Variants in THADA observed in about 807,000 individuals in gnomAD.
THADA encodes the protein THADA armadillo repeat containing.
In THADA, 213 loss-of-function variants were observed where a neutral mutation model predicts 219.8. The observed-to-expected ratio is 0.97, with a 90% CI of 0.87 to 1.09. The LOEUF is 1.09. Ranked by LOEUF, THADA falls within the 50% of genes least tolerant of loss-of-function variation. THADA has a pLI of 0.00. For missense variants in THADA, 2,956 were observed against 2,311.3 expected (o/e 1.28, Z -5.72); for synonymous variants, 1,018 against 828.9 (o/e 1.23, Z -3.92).
chr2:43,576,748 G>A (rs952612536), intron 10 of THADA, among the ~76,000 whole-genome samples: 3 of 152,092 alleles, frequency 2.0e-5, no homozygotes, highest in Non-Finnish European at 2.9e-5. Context: ...TCGGCCTCCT[G>A]GGCTCAAGCA....
chr2:43,551,060 G>T (rs1696686686), intron 19 of THADA, among the ~76,000 whole-genome samples: 1 of 152,124 alleles, frequency 6.6e-6, no homozygotes, highest in Non-Finnish European at 1.5e-5. Flanking sequence ...TCATTTTTAG[G>T]AAAGAACAAA....
chr2:43,572,988 T>A lies in THADA; in HGVS notation c.1734A>T (p.Gln578His). 1 of 1,613,222 alleles carries A rather than the reference T, an allele frequency of 6.2e-7. No individual in the cohort carries two copies. The highest frequency in any genetic ancestry group is 1.7e-5 in the Admixed American group (1 of 59,812). ...LQTSIDAKTG[Q>H]EQSFPSLGSC... Reference sequence around the variant, plus strand: ...ACCCTAAGGATGGGAAAGATTGCTCTTGTCCTGAAAGCACAATAACAAAGA... The same window carrying A: ...ACCCTAAGGATGGGAAAGATTGCTCATGTCCTGAAAGCACAATAACAAAGA... The change falls in exon 12 of 38, where the codon CAA (glutamine) becomes CAT (histidine). Residue 578 changes from glutamine to histidine, a missense_variant. By Grantham distance (24) the Gln-to-His change is conservative. Coordinates refer to ENST00000405975, the MANE Select transcript of THADA (RefSeq NM_022065.5).
chr2:43,523,357 T>G (rs934016037), intron 22 of THADA, among the ~76,000 whole-genome samples: 20 of 152,260 alleles, frequency 1.3e-4, no homozygotes, highest in Admixed American at 1.2e-3. Flanking sequence ...ACAGAGAGAT[T>G]CTGTCTCAAA....
intron 26 of THADA, among the ~76,000 whole-genome samples, chr2:43,460,734 G>A (rs1050600409): frequency 3.3e-5 from 5 of 152,158 alleles, no homozygotes; most frequent in African/African-American, 1.2e-4. Flanking sequence ...ACAAATGAAG[G>A]GTTGGCGTGG....
At position 43,376,227 on chromosome 2, in the gene THADA, A is replaced by G. The variant is rs776547907; in HGVS notation, c.4227+21744T>C. Among the ~76,000 whole-genome samples the G allele has an allele frequency of 2.4e-4, 36 of 152,158 alleles. 2 individuals carry two copies. The highest frequency in any genetic ancestry group is 2.2e-3 in the Admixed American group (33 of 15,284). ...ATTCAGACAGTCAAGACACAAGGAC[A>G]CTCTGCTGTATGCACTCCTGAAGTA... On this transcript the variant is annotated intron_variant, in intron 29 of 37. Transcript: ENST00000405975.
At chr2:43,336,971 G>A (rs569042117) in intron 30 of THADA, among the ~76,000 whole-genome samples, 1 of 152,222 alleles carries the variant, frequency 6.6e-6, no homozygotes, top group African/African-American at 2.4e-5. Context: ...TTTGAGCCTG[G>A]TGGTGCCAGA....
intron 22 of THADA, among the ~76,000 whole-genome samples, chr2:43,524,737 G>C (rs1692944141): frequency 6.6e-6 from 1 of 152,186 alleles, no homozygotes; most frequent in Admixed American, 6.5e-5. Context: ...GAAAGCAACA[G>C]CTGAGAACTC....
chr2:43,519,650 T>C (rs1468551581), intron 22 of THADA, among the ~76,000 whole-genome samples: 4 of 152,190 alleles, frequency 2.6e-5, no homozygotes, highest in Non-Finnish European at 5.9e-5. Context: ...GCCTACCATA[T>C]CATATTCTCA....
At chr2:43,363,917 T>C (rs1170904466) in intron 29 of THADA, among the ~76,000 whole-genome samples, 1 of 152,002 alleles carries the variant, frequency 6.6e-6, no homozygotes, top group Non-Finnish European at 1.5e-5. Flanking sequence ...CAAGATCTTC[T>C]CTCTATAAAA....
intron 28 of THADA, among the ~76,000 whole-genome samples, chr2:43,426,537 C>T (rs1479946314): frequency 6.6e-6 from 1 of 152,104 alleles, no homozygotes; most frequent in African/African-American, 2.4e-5. Context: ...AAATGAATCA[C>T]CAAATGCCAG....
intron 28 of THADA, among the ~76,000 whole-genome samples, chr2:43,420,751 CAG>C (rs1280263404): frequency 6.6e-6 from 1 of 152,162 alleles, no homozygotes; most frequent in Non-Finnish European, 1.5e-5. Context: ...TAGGAACTAA[CAG>C]ATAAAAATTG....
chr2:43,246,084 G>A (rs550114293), intron 36 of THADA, among the ~76,000 whole-genome samples: 11 of 150,848 alleles, frequency 7.3e-5, no homozygotes, highest in Non-Finnish European at 1.2e-4. Context: ...TCCTTACTAG[G>A]TGCCCACCTC....
chr2:43,324,758 C>T (rs1020067243), intron 30 of THADA, among the ~76,000 whole-genome samples: 4 of 152,006 alleles, frequency 2.6e-5, no homozygotes, highest in Admixed American at 1.3e-4. Flanking sequence ...AACAAAATCC[C>T]GAAGAGCAGC....
intron 26 of THADA, among the ~76,000 whole-genome samples, chr2:43,484,962 A>C (rs1250872750): frequency 6.6e-6 from 1 of 151,802 alleles, no homozygotes; most frequent in East Asian, 1.9e-4. Flanking sequence ...AACAAAAAAA[A>C]CACTAGCTTT....
rs567502325 is a variant in THADA at position 43,475,656 on chromosome 2, C to T, written c.3836+9578G>A. Among the ~76,000 whole-genome samples the T allele has an allele frequency of 1.7e-3, 258 of 152,240 alleles. 2 individuals carry two copies. The highest frequency in any genetic ancestry group is 0.01 in the Middle Eastern group (3 of 294). On this transcript the variant is annotated intron_variant, in intron 26 of 37. Transcript: ENST00000405975. ...GTGGTTAGGAACTGATTACATTCTA[C>T]TCAGAATCTCTATTTTAACGTTCTA...
chr2:43,399,319 G>C (rs1489894522), intron 28 of THADA, among the ~76,000 whole-genome samples: 2 of 152,188 alleles, frequency 1.3e-5, no homozygotes, highest in East Asian at 3.8e-4. Flanking sequence ...ACTAATCTGT[G>C]TTTACAAAGG....
chr2:43,585,309 A>C (rs1700889064), intron 7 of THADA, among the ~76,000 whole-genome samples: 1 of 150,506 alleles, frequency 6.6e-6, no homozygotes, highest in Admixed American at 6.7e-5. Flanking sequence ...AATGAGTTCA[A>C]GACTAGCCTG....
chr2:43,512,353 G>A (rs569700306), intron 22 of THADA, among the ~76,000 whole-genome samples: 1 of 152,124 alleles, frequency 6.6e-6, no homozygotes, highest in African/African-American at 2.4e-5. Context: ...TTGCTTCTCA[G>A]CTCTGCACCT....
At chr2:43,543,717 G>C (rs1695629266) in intron 20 of THADA, among the ~76,000 whole-genome samples, 1 of 152,064 alleles carries the variant, frequency 6.6e-6, no homozygotes, top group South Asian at 2.1e-4. Context: ...TTTTTGATGG[G>C]GTTGTTTTTT....
Sources: gnomAD v4.1 joint callset for allele counts (sites outside exome capture counted in the v4.1 genomes callset) on GRCh38, gnomAD v4.1.1 for gene constraint, MANE v1.5 for transcripts, NCBI Gene and HGNC (gene_info 2026-07-23, HGNC 2026-07-21) for gene names.